Variants in PLXNA1 observed in about 807,000 individuals in gnomAD.
PLXNA1 encodes plexin-A1.
Under a neutral mutation model 191.7 loss-of-function variants are expected in PLXNA1, and 77 were observed. The ratio of observed to expected loss-of-function variants is 0.40; its 90% confidence interval spans 0.33 to 0.49. PLXNA1 has a LOEUF of 0.49. PLXNA1 is among the 20% of genes least tolerant of loss of function. PLXNA1 has a pLI of 0.63. For synonymous variants in PLXNA1, 1,137 were observed against 1,156.4 expected (o/e 0.98, Z 0.34); for missense variants, 2,110 against 2,660.2 (o/e 0.79, Z 4.55).
intron 3 of PLXNA1, among the ~76,000 whole-genome samples, chr3:126,998,791 C>T (rs1198308386): frequency 6.6e-6 from 1 of 152,190 alleles, no homozygotes; most frequent in Non-Finnish European, 1.5e-5. Flanking sequence ...CTTCACCTGC[C>T]AGGACCCTGA....
At chr3:126,988,474 G>A (rs1297092308) in intron 1 of PLXNA1, 47 bp from the exon 2 acceptor site, 2 of 871,326 alleles carry the variant, frequency 2.3e-6, no homozygotes, top group South Asian at 1.9e-5. Flanking sequence ...AATATCATGG[G>A]ATGGGCCATG....
At chr3:127,014,953 C>T in intron 14 of PLXNA1, 122 bp downstream of exon 14, 2 of 1,458,132 alleles carry the variant, frequency 1.4e-6, no homozygotes, top group East Asian at 2.4e-5. Flanking sequence ...TTTCCACGGC[C>T]TGGGTGCTGC....
chr3:127,016,923 C>A, intron 16 of PLXNA1, 21 bp from the exon 17 acceptor site: 1 of 1,601,192 alleles, frequency 6.2e-7, no homozygotes, highest in Non-Finnish European at 8.5e-7. Context: ...TGGTGACCCC[C>A]CCACCCCTGT....
rs1008628508 is a variant in PLXNA1, at chr3:127,003,350, C to T, written c.1398C>T (p.Asn466=). 1.2e-6 allele frequency: 2 copies of T among 1,605,802 alleles called. No individual in the cohort carries two copies. Among genetic ancestry groups the T allele is most frequent in the African/African-American group, 2.7e-5 (2 of 74,760 alleles). The change falls in exon 4 of 32, where the codon AAC becomes AAT. Residue 466 remains asparagine, a synonymous_variant. Transcript: ENST00000393409. ...CGCAGATCCTGGTGGACCTCTCAAA[C>T]CCCGGTGGCCGGCCTGCCCTGGCCT... ...RIRKILVDLS[N]PGGRPALAYE...
intron 1 of PLXNA1, among the ~76,000 whole-genome samples, chr3:126,987,437 C>A (rs2078964870): frequency 6.6e-6 from 1 of 152,122 alleles, no homozygotes; most frequent in East Asian, 1.9e-4. Flanking sequence ...GTGGAGGGAG[C>A]CGAGTACCCT....
At chr3:127,010,422 C>A (rs1380816990) in intron 9 of PLXNA1, among the ~76,000 whole-genome samples, 2 of 152,102 alleles carry the variant, frequency 1.3e-5, no homozygotes, top group East Asian at 3.9e-4. Flanking sequence ...CAGTGGGCCG[C>A]ATGGGTGCCG....
At chr3:127,031,662 C>T (rs1460197563) in intron 29 of PLXNA1, among the ~76,000 whole-genome samples, 1 of 152,224 alleles carries the variant, frequency 6.6e-6, no homozygotes, top group Non-Finnish European at 1.5e-5. Flanking sequence ...CCAGCTCCGC[C>T]CACTGCTCGC....
intron 3 of PLXNA1, among the ~76,000 whole-genome samples, chr3:127,000,486 C>T (rs1018109484): frequency 3.3e-5 from 5 of 152,188 alleles, no homozygotes; most frequent in Non-Finnish European, 5.9e-5. Context: ...CCCAGGTTCA[C>T]CTGCCGTCTG....
intron 15 of PLXNA1, among the ~76,000 whole-genome samples, chr3:127,016,137 C>T (rs2079122252): frequency 2.0e-5 from 3 of 152,008 alleles, no homozygotes; most frequent in Non-Finnish European, 4.4e-5. Flanking sequence ...TACCTCCCAG[C>T]CTGGCGTGCG....
intron 3 of PLXNA1, among the ~76,000 whole-genome samples, chr3:126,996,516 G>C (rs1188649383): frequency 6.6e-6 from 1 of 152,192 alleles, no homozygotes; most frequent in Non-Finnish European, 1.5e-5. Flanking sequence ...GCCTCTTCAG[G>C]TCTGTAGTGA....
intron 3 of PLXNA1, among the ~76,000 whole-genome samples, chr3:126,995,051 CG>C (rs1559954939): frequency 6.6e-6 from 1 of 152,118 alleles, no homozygotes; most frequent in East Asian, 1.9e-4. Flanking sequence ...CAGTCTTTTC[CG>C]GGCTTTAAAA....
rs992677458 is a variant in PLXNA1, at chr3:127,029,382, G to A, written c.4774-58G>A. ...CGGGGTCCCCAGCCGGGGAGTGGGAGCCTGGTGGTGCAGGGGCACCCTGGT... is the reference window on the plus strand; with the variant it reads ...CGGGGTCCCCAGCCGGGGAGTGGGAACCTGGTGGTGCAGGGGCACCCTGGT... On this transcript the variant is annotated intron_variant, in intron 26 of 31. Coordinates refer to ENST00000393409, the MANE Select transcript of PLXNA1 (RefSeq NM_032242.4). 9.1e-6 allele frequency: 14 copies of A among 1,531,276 alleles called. No homozygotes were observed. The African/African-American group carries it at 1.8e-4, about 19-fold the overall frequency. The allele number at this position is 1,531,276 out of a possible 1,614,324, so 94.9% of individuals were successfully genotyped here. A position where few individuals can be genotyped will look rare whatever the true frequency, so the allele number is the denominator to read the frequency against.
Position 127,015,311 on chromosome 3 carries a change from C to G in PLXNA1, c.3005C>G (p.Ser1002Cys). 6.2e-7 allele frequency: 1 copy of G among 1,606,210 alleles called. No homozygotes were observed. Among genetic ancestry groups the G allele is most frequent in the Middle Eastern group, 1.7e-4 (1 of 6,042 alleles). ...GTGTCGGTCGGTGGCCGGCCCTGCT[C>G]CTTCTCCTGGTACGGGGTGCAGGTG... Reference protein sequence around the residue: ...VAVSVGGRPCSFSWRNSREIR... With the variant: ...VAVSVGGRPCCFSWRNSREIR... Residue 1002 changes from serine (S) to cysteine (C), a missense_variant, in exon 15 of 32, where the codon TCC becomes TGC. Physicochemically the swap from Ser to Cys is moderately radical, Grantham distance 112. This residue lies in a region of PLXNA1 where 644 missense variants were observed against 714.3 expected (regional missense o/e 0.90). Coordinates refer to ENST00000393409, the MANE Select transcript of PLXNA1 (RefSeq NM_032242.4).
Position 127,022,349 on chromosome 3 carries a change from T to TG in PLXNA1, c.4295+14dup, listed in dbSNP as rs772912711. ...CAAGCTGCTACTGCGCCGGTGAGCC[T>TG]GGGGGGCACTGGGGTTGGGGGAGGC... On this transcript the variant is annotated intron_variant, in intron 22 of 31. Coordinates refer to ENST00000393409, the MANE Select transcript of PLXNA1 (RefSeq NM_032242.4). 13 of 1,603,142 alleles carry TG rather than the reference T, an allele frequency of 8.1e-6. No individual in the cohort carries two copies. Among genetic ancestry groups the TG allele is most frequent in the Non-Finnish European group, 1.0e-5 (12 of 1,172,162 alleles).
intron 27 of PLXNA1, 143 bp downstream of exon 27, chr3:127,029,679 C>A: frequency 2.8e-6 from 3 of 1,083,766 alleles, no homozygotes; most frequent in Non-Finnish European, 4.1e-6. Context: ...CTTGGCCTTA[C>A]CCTCCAGCTC....
chr3:127,017,483 C>A lies in PLXNA1; in HGVS notation c.3335C>A (p.Pro1112His). The change falls in exon 18 of 32, where the codon CCT becomes CAT. Residue 1112 changes from proline (P) to histidine (H), a missense_variant. Pro to His is a moderately conservative substitution (Grantham distance 77, BLOSUM62 -2). Around this residue, in one of 4 missense-constraint regions of PLXNA1, gnomAD observed 644 missense variants for 714.3 expected, o/e 0.90. Transcript: ENST00000393409. ...TGCCGCGCCCCGTCTGTGGCCAACC[C>A]TGTGCGCAGCCCACCAGAGCTGGGG... is the stretch of plus-strand genomic sequence containing the variant. Reference protein sequence around the residue: ...MVCRAPSVANPVRSPPELGER... With the variant: ...MVCRAPSVANHVRSPPELGER... 1 of 1,613,508 alleles carries A rather than the reference C, an allele frequency of 6.2e-7. No homozygotes were observed. The highest frequency in any genetic ancestry group is 8.5e-7 in the Non-Finnish European group (1 of 1,180,012).
chr3:127,030,196 A>G (rs1431064724), intron 28 of PLXNA1, 47 bp from the exon 29 acceptor site: 1 of 1,600,652 alleles, frequency 6.2e-7, no homozygotes, highest in Non-Finnish European at 8.5e-7. Flanking sequence ...AGGTGTAGGC[A>G]GCCAGGCAGC....
At position 127,022,794 on chromosome 3, in the gene PLXNA1, C is replaced by T. The variant is rs375179727; in HGVS notation, c.4338C>T (p.Thr1446=). ...VAEKMLTNWF[T]FLLYKFLKEC... ...AGAAGATGCTAACTAACTGGTTCAC[C>T]TTCCTCTTGTATAAGTTCCTCAAGG... The change falls in exon 23 of 32, where the codon ACC becomes ACT. Residue 1446 remains threonine, a synonymous_variant. Coordinates refer to ENST00000393409, the MANE Select transcript of PLXNA1 (RefSeq NM_032242.4). 37 of 1,614,036 alleles carry T rather than the reference C, an allele frequency of 2.3e-5. No individual in the cohort carries two copies. In the East Asian group the frequency reaches 3.1e-4, roughly 14 times the overall value.
chr3:126,983,721 G>A (rs1008177117), intron 1 of PLXNA1, among the ~76,000 whole-genome samples: 6 of 151,604 alleles, frequency 4.0e-5, no homozygotes, highest in African/African-American at 1.2e-4. Context: ...GCCCCGCGGG[G>A]AGGCCCCTGC....
Sources: allele counts gnomAD v4.1 joint callset (sites outside exome capture counted in the v4.1 genomes callset), GRCh38; gene constraint gnomAD v4.1.1; regional missense constraint gnomAD v4.1.1; transcripts MANE v1.5; gene names NCBI Gene and HGNC (gene_info 2026-07-23, HGNC 2026-07-21).